The following CCDC60 variants were observed in gnomAD, a reference collection of about 807,000 sequenced individuals.
CCDC60 encodes the protein coiled-coil domain containing 60, also known as coiled-coil domain-containing protein 60.
A neutral mutation model predicts 63.5 loss-of-function variants in CCDC60; 54 were observed. The observed-to-expected ratio is 0.85, with a 90% CI of 0.68 to 1.07. CCDC60 has a LOEUF of 1.07. Ranked by LOEUF, CCDC60 falls within the 50% of genes least tolerant of loss-of-function variation. CCDC60 has a pLI of 0.00. For missense variants in CCDC60, 651 were observed against 684.3 expected (o/e 0.95, Z 0.54); for synonymous variants, 206 against 238.8 (o/e 0.86, Z 1.27).
At chr12:119,397,582 A>G (rs1956281351) in intron 1 of CCDC60, among the ~76,000 whole-genome samples, 1 of 150,536 alleles carries the variant, frequency 6.6e-6, no homozygotes, top group Admixed American at 6.6e-5. Context: ...TGATTGTTGC[A>G]TATACAATCT....
intron 11 of CCDC60, among the ~76,000 whole-genome samples, chr12:119,525,905 A>G (rs560736315): frequency 6.6e-6 from 1 of 152,296 alleles, no homozygotes; most frequent in South Asian, 2.1e-4. Context: ...ACAGAACTAG[A>G]AAAAAATATT....
Position 119,516,703 on chromosome 12 carries a change from C to A in CCDC60, c.964C>A (p.Pro322Thr), listed in dbSNP as rs1227819542. Reference sequence around the variant, plus strand: ...AGAAAATGGGATGCAAAGAAAAGCACCCAGGTATGTGCTCTTGACTCCTGG... The same window carrying A: ...AGAAAATGGGATGCAAAGAAAAGCAACCAGGTATGTGCTCTTGACTCCTGG... ...TIENGMQRKA[P>T]SILSVLKQNK... The change falls in exon 8 of 14, where the codon CCC becomes ACC. Residue 322 changes from proline to threonine, a missense_variant. Pro to Thr is a conservative substitution (Grantham distance 38). Transcript: ENST00000327554. 1.9e-6 allele frequency: 3 copies of A among 1,609,494 alleles called. No homozygotes were observed. The highest frequency in any genetic ancestry group is 3.3e-5 in the Admixed American group (2 of 59,982).
At chr12:119,494,004 A>T (rs1660595703) in intron 5 of CCDC60, among the ~76,000 whole-genome samples, 1 of 152,242 alleles carries the variant, frequency 6.6e-6, no homozygotes, top group Admixed American at 6.5e-5. Flanking sequence ...AAAAAAGGCC[A>T]CTAACAGCCT....
At chr12:119,484,712 CA>C (rs963850503) in intron 4 of CCDC60, among the ~76,000 whole-genome samples, 6 of 150,426 alleles carry the variant, frequency 4.0e-5, no homozygotes, top group African/African-American at 7.3e-5. Context: ...GACCCTGTCT[CA>C]AAAAAAATAA....
At position 119,464,716 on chromosome 12, in the gene CCDC60, A is replaced by T. The variant is rs545465123; in HGVS notation, c.171-7278A>T. On this transcript the variant is annotated intron_variant, in intron 2 of 13. Transcript: ENST00000327554. Reference sequence around the variant, plus strand: ...AGACTGATGAAACTGACTGACAGTAAGATACCAAATTATAAACAGGACCTA... The same window carrying T: ...AGACTGATGAAACTGACTGACAGTATGATACCAAATTATAAACAGGACCTA... 5.3e-5 allele frequency among the ~76,000 whole-genome samples: 8 copies of T among 152,324 alleles called. No individual in the cohort carries two copies. In the East Asian group the frequency reaches 1.5e-3, roughly 29 times the overall value.
chr12:119,420,815 A>G lies in CCDC60; in HGVS notation c.91-7868A>G, dbSNP rs1030176483. Among the ~76,000 whole-genome samples, 5 of 152,174 alleles carry G rather than the reference A, an allele frequency of 3.3e-5. No homozygotes were observed. The highest frequency in any genetic ancestry group is 5.9e-5 in the Non-Finnish European group (4 of 68,032). ...TTACATGCCTGTATCAAAACAACTC[A>G]TGTATTCCGTAAATATATGCACTTA... On this transcript the variant is annotated intron_variant, in intron 1 of 13. Coordinates refer to ENST00000327554, the MANE Select transcript of CCDC60 (RefSeq NM_178499.5). The surrounding 1 kb of genome is among the most constrained non-coding windows in gnomAD (Gnocchi z 4.1).
chr12:119,533,903 C>T (rs61938142), intron 13 of CCDC60, among the ~76,000 whole-genome samples: 5,767 of 152,200 alleles, frequency 0.038, 161 homozygotes, highest in Non-Finnish European at 0.055. Context: ...ACAATACGGG[C>T]TCTTTTTTGG....
chr12:119,458,373 A>G (rs1950787605), intron 2 of CCDC60, among the ~76,000 whole-genome samples: 2 of 152,216 alleles, frequency 1.3e-5, no homozygotes, highest in Admixed American at 1.3e-4. Flanking sequence ...TAGAGCTGGA[A>G]AATGTAAGTG....
Position 119,500,089 on chromosome 12 carries a change from G to A in CCDC60, c.569G>A (p.Gly190Glu), listed in dbSNP as rs1269666687. Residue 190 changes from glycine (G) to glutamate (E), a missense_variant, in exon 6 of 14, where the codon GGA becomes GAA. Transcript: ENST00000327554. Reference sequence around the variant, plus strand: ...TGTTTCTCACTCAGGGACCCGGGTGGAAGCAAGAGCACCATTAAAAAAATC... The same window carrying A: ...TGTTTCTCACTCAGGGACCCGGGTGAAAGCAAGAGCACCATTAAAAAAATC... ...ITCWNPKDPGGSKSTIKKINK... is the reference protein window; with the variant it reads ...ITCWNPKDPGESKSTIKKINK... 6.2e-7 allele frequency: 1 copy of A among 1,612,446 alleles called. No homozygotes were observed. Among genetic ancestry groups the A allele is most frequent in the Admixed American group, 1.7e-5 (1 of 59,872 alleles).
rs749915637 is a variant in CCDC60, at chr12:119,499,688, C to T, written c.558-390C>T. 5.8e-4 allele frequency among the ~76,000 whole-genome samples: 89 copies of T among 152,142 alleles called. 1 individual carries two copies. Among genetic ancestry groups the T allele is most frequent in the Admixed American group, 1.3e-4 (2 of 15,276 alleles). The stretch of plus-strand genomic sequence containing the variant: ...TTCTCTGTGTGTCTCTCAGAAATGT[C>T]CCTGATGGTGGACCCCTTGGGCAAC... On this transcript the variant is annotated intron_variant, in intron 5 of 13. Coordinates refer to ENST00000327554, the MANE Select transcript of CCDC60 (RefSeq NM_178499.5).
At chr12:119,412,768 C>T (rs1278028300) in intron 1 of CCDC60, among the ~76,000 whole-genome samples, 2 of 124,374 alleles carry the variant, frequency 1.6e-5, no homozygotes, top group Admixed American at 8.4e-5. Flanking sequence ...CCCCCACCCC[C>T]CCCCACCCCC....
At chr12:119,402,908 A>G (rs1956418466) in intron 1 of CCDC60, among the ~76,000 whole-genome samples, 1 of 152,212 alleles carries the variant, frequency 6.6e-6, no homozygotes, top group Non-Finnish European at 1.5e-5. Context: ...TGCAAATGAT[A>G]GAAAACCCCA....
At chr12:119,470,215 C>T (rs545551994) in intron 2 of CCDC60, among the ~76,000 whole-genome samples, 2 of 152,334 alleles carry the variant, frequency 1.3e-5, no homozygotes, top group Admixed American at 1.3e-4. Flanking sequence ...TAAATACTAC[C>T]TCCTCCAGAA....
chr12:119,458,674 G>C (rs556408451), intron 2 of CCDC60, among the ~76,000 whole-genome samples: 1 of 152,300 alleles, frequency 6.6e-6, no homozygotes, highest in African/African-American at 2.4e-5. Context: ...TTCAGGTCAT[G>C]GGAGATGTAT....
At chr12:119,518,862 G>A (rs1009326077) in intron 8 of CCDC60, among the ~76,000 whole-genome samples, 1 of 152,082 alleles carries the variant, frequency 6.6e-6, no homozygotes, top group African/African-American at 2.4e-5. Flanking sequence ...ACTTCCATAA[G>A]GTCTTCAAAG....
chr12:119,479,409 C>T, intron 4 of CCDC60: 1 of 547,308 alleles, frequency 1.8e-6, no homozygotes, highest in Non-Finnish European at 3.3e-6. Context: ...TCAGCTGGGA[C>T]TGAGTCATTT....
At chr12:119,492,673 G>A (rs1951618951) in intron 5 of CCDC60, among the ~76,000 whole-genome samples, 1 of 152,128 alleles carries the variant, frequency 6.6e-6, no homozygotes, top group African/African-American at 2.4e-5. Context: ...ATGAGTCAAA[G>A]CTCTGCCACT....
intron 8 of CCDC60, among the ~76,000 whole-genome samples, chr12:119,517,963 A>G (rs1228653706): frequency 6.6e-6 from 1 of 152,172 alleles, no homozygotes; most frequent in Non-Finnish European, 1.5e-5. Context: ...TAAATGAGGC[A>G]CTAGAAGAGG....
At chr12:119,479,577 T>G (rs1237684220) in intron 4 of CCDC60, 1 of 206,660 alleles carries the variant, frequency 4.8e-6, no homozygotes, top group East Asian at 1.4e-4. Flanking sequence ...GAGAAGCCCA[T>G]CCAGTTTTCT....
Sources: gnomAD v4.1 joint callset for allele counts (sites outside exome capture counted in the v4.1 genomes callset) on GRCh38, gnomAD v4.1.1 for gene constraint, Gnocchi (gnomAD v3.1) non-coding constraint, MANE v1.5 for transcripts, NCBI Gene and HGNC (gene_info 2026-07-23, HGNC 2026-07-21) for gene names.